SLC25A21: variants seen among roughly 807,000 people sequenced by gnomAD.
SLC25A21 encodes the protein mitochondrial 2-oxodicarboxylate carrier.
SLC25A21 carries 47 observed loss-of-function variants against 43.8 expected under a neutral mutation model. The observed-to-expected ratio is 1.07, with a 90% confidence interval of 0.85 to 1.37. The LOEUF is 1.37. Ranked by LOEUF, SLC25A21 falls within the 40% of genes most tolerant of loss-of-function variation. SLC25A21 has a pLI of 0.00. For synonymous variants in SLC25A21, 131 were observed against 121.3 expected, an observed-to-expected ratio of 1.08 and a Z score of -0.52; for missense variants, 352 against 350.2, an observed-to-expected ratio of 1.00 and a Z score of -0.04.
intron 1 of SLC25A21, among the ~76,000 whole-genome samples, chr14:36,927,105 G>C (rs943499364): frequency 6.6e-6 from 1 of 152,164 alleles, no homozygotes; most frequent in Non-Finnish European, 1.5e-5. Flanking sequence ...GGGAGGCAGA[G>C]GTTGCAGTGA....
intron 3 of SLC25A21, among the ~76,000 whole-genome samples, chr14:36,738,124 C>A (rs144186653): frequency 4.7e-4 from 71 of 152,300 alleles, no homozygotes; most frequent in African/African-American, 1.4e-3. Context: ...AAGAGCTTCA[C>A]TCTCAGTTAA....
At chr14:36,893,978 C>A in intron 1 of SLC25A21, among the ~76,000 whole-genome samples, 1 of 152,142 alleles carries the variant, frequency 6.6e-6, no homozygotes, top group Non-Finnish European at 1.5e-5. Context: ...TAGTGTGATG[C>A]CTCCAGCTTT....
At chr14:36,771,867 T>TC (rs1886632525) in intron 3 of SLC25A21, among the ~76,000 whole-genome samples, 2 of 152,048 alleles carry the variant, frequency 1.3e-5, no homozygotes, top group African/African-American at 2.4e-5. Flanking sequence ...ACAAAAAAAC[T>TC]CCATCTTCTC....
chr14:36,682,052 T>G (rs1425474226), intron 9 of SLC25A21, among the ~76,000 whole-genome samples: 1 of 152,214 alleles, frequency 6.6e-6, no homozygotes, highest in African/African-American at 2.4e-5. Context: ...AGGTACCTGA[T>G]TGTTAGCCAC....
chr14:37,059,399 A>T (rs1961896882), intron 1 of SLC25A21, among the ~76,000 whole-genome samples: 1 of 152,184 alleles, frequency 6.6e-6, no homozygotes. Context: ...ATTAACTATT[A>T]CATGGTAGTT....
intron 2 of SLC25A21, among the ~76,000 whole-genome samples, chr14:36,835,618 C>A (rs1276791584): frequency 6.6e-6 from 1 of 152,152 alleles, no homozygotes; most frequent in Non-Finnish European, 1.5e-5. Flanking sequence ...ACAAAGGATA[C>A]AATTCATTTT....
intron 1 of SLC25A21, among the ~76,000 whole-genome samples, chr14:37,117,383 T>C (rs1330194112): frequency 6.6e-6 from 1 of 152,200 alleles, no homozygotes; most frequent in Non-Finnish European, 1.5e-5. Flanking sequence ...AAGTGTTTTG[T>C]ATGTTGGAAA....
Position 36,689,178 on chromosome 14 carries a change from C to G in SLC25A21, c.604-4253G>C, listed in dbSNP as rs558991702. Among the ~76,000 whole-genome samples, 5 of 152,240 alleles carry G rather than the reference C, an allele frequency of 3.3e-5. No homozygotes were observed. In the East Asian group the frequency reaches 9.6e-4, roughly 29 times the overall value. ...AAGTCACATCTTACGTGGATGGCAG[C>G]AGGCCAAAAAAAGAGCTTGTGCAGA... On this transcript the variant is annotated intron_variant, in intron 7 of 9. Coordinates refer to ENST00000331299, the MANE Select transcript of SLC25A21 (RefSeq NM_030631.4).
intron 2 of SLC25A21, among the ~76,000 whole-genome samples, chr14:36,840,103 C>G (rs1889337650): frequency 6.6e-6 from 1 of 152,164 alleles, no homozygotes; most frequent in African/African-American, 2.4e-5. Flanking sequence ...TGGCCTTCCA[C>G]AGGGAAACCA....
In SLC25A21 at chr14:37,051,934, G is replaced by A. The variant is rs139467064; in HGVS notation, c.70+120347C>T. On this transcript the variant is annotated intron_variant, in intron 1 of 9. Coordinates refer to ENST00000331299, the MANE Select transcript of SLC25A21 (RefSeq NM_030631.4). Reference sequence around the variant, plus strand: ...CTGAGCAGTCCAGACGGCAGCCGGCGGGCACACAAAGCAGCCTGGAGAGGA... The same window carrying A: ...CTGAGCAGTCCAGACGGCAGCCGGCAGGCACACAAAGCAGCCTGGAGAGGA... 7.9e-5 allele frequency among the ~76,000 whole-genome samples: 12 copies of A among 152,294 alleles called. No individual in the cohort carries two copies. The East Asian group carries it at 1.9e-3, about 25-fold the overall frequency.
At chr14:36,704,899 C>T (rs1262559696) in intron 7 of SLC25A21, among the ~76,000 whole-genome samples, 1 of 151,948 alleles carries the variant, frequency 6.6e-6, no homozygotes, top group Non-Finnish European at 1.5e-5. Context: ...ATCATGGAGT[C>T]TATAAAAATG....
At chr14:36,937,906 C>T (rs1029706653) in intron 1 of SLC25A21, among the ~76,000 whole-genome samples, 2 of 152,026 alleles carry the variant, frequency 1.3e-5, no homozygotes, top group African/African-American at 2.4e-5. Context: ...AATAAAGGAA[C>T]AAAAGTATAC....
chr14:36,942,501 C>T (rs759402435), intron 1 of SLC25A21, among the ~76,000 whole-genome samples: 2 of 152,116 alleles, frequency 1.3e-5, no homozygotes, highest in African/African-American at 4.8e-5. Context: ...TGCTTTCTAT[C>T]ACACATATTT....
rs200377070 is a variant in SLC25A21 at position 36,725,671 on chromosome 14, C to T, written c.337G>A (p.Ala113Thr). 620 of 1,592,794 alleles carry T rather than the reference C, an allele frequency of 3.9e-4. No homozygotes were observed. The highest frequency in any genetic ancestry group is 4.7e-4 in the Non-Finnish European group (552 of 1,169,446). The part of the protein sequence containing the change: ...YVSLSPALTF[A>T]IAGLGSGLTE... ...AGTCCAGATCCCAATCCAGCAATGG[C>T]GAATGTCTAGAAAAATTAAATCAAT... Residue 113 changes from alanine (A) to threonine (T), a missense_variant, in exon 6 of 10, where the codon GCC becomes ACC. Transcript: ENST00000331299.
At chr14:36,900,500 T>A (rs1281495554) in intron 1 of SLC25A21, among the ~76,000 whole-genome samples, 4 of 152,198 alleles carry the variant, frequency 2.6e-5, no homozygotes, top group African/African-American at 9.6e-5. Context: ...CTTTTAATCT[T>A]AATTAACTGA....
chr14:37,001,185 A>G (rs1240598058), intron 1 of SLC25A21, among the ~76,000 whole-genome samples: 3 of 152,204 alleles, frequency 2.0e-5, no homozygotes, highest in African/African-American at 7.2e-5. Context: ...TTTACTAAGT[A>G]GCTTAACTAT....
intron 2 of SLC25A21, among the ~76,000 whole-genome samples, chr14:36,817,524 G>T (rs1627412): frequency 0.71 from 108,562 of 151,996 alleles, 39,955 homozygotes; most frequent in East Asian, 1. Flanking sequence ...GCTTGCTGCA[G>T]GCACTTGGTT....
chr14:37,064,403 T>C (rs1246255118), intron 1 of SLC25A21, among the ~76,000 whole-genome samples: 2 of 152,102 alleles, frequency 1.3e-5, no homozygotes, highest in African/African-American at 4.8e-5. Flanking sequence ...AGCCAGTTGA[T>C]AAATTCTCTT....
chr14:36,692,421 G>A (rs1882830338), intron 7 of SLC25A21, among the ~76,000 whole-genome samples: 1 of 152,164 alleles, frequency 6.6e-6, no homozygotes, highest in Admixed American at 6.5e-5. Flanking sequence ...ACAGCCAAGA[G>A]CTAAAGACAG....
Sources: allele counts gnomAD v4.1 joint callset (sites outside exome capture counted in the v4.1 genomes callset), GRCh38; gene constraint gnomAD v4.1.1; transcripts MANE v1.5; gene names NCBI Gene and HGNC (gene_info 2026-07-23, HGNC 2026-07-21).